The following GRIA2 variants were observed in gnomAD, a reference collection of about 807,000 sequenced individuals.
GRIA2 encodes the protein glutamate receptor 2.
In GRIA2, 14 loss-of-function variants were observed where a neutral mutation model predicts 97.3. The ratio of observed to expected loss-of-function variants is 0.14; its 90% confidence interval spans 0.10 to 0.23. The LOEUF (loss-of-function observed/expected upper bound fraction) is 0.23. GRIA2 is among the 10% of genes least tolerant of loss of function. The probability of loss-of-function intolerance (pLI) is 1.00; values close to 1 mark genes in which losing one functional copy is unlikely to be tolerated. For missense variants in GRIA2, 558 were observed against 1,069.8 expected (o/e 0.52, Z 6.67); for synonymous variants, 412 against 387.8 (o/e 1.06, Z -0.73).
At chr4:157,355,969 TAA>T (rs72034758) in intron 12 of GRIA2, among the ~76,000 whole-genome samples, 55,026 of 78,574 alleles carry the variant, frequency 0.7, 20,150 homozygotes, top group South Asian at 0.84. Context: ...TTATGTATAT[TAA>T]TATATATATT....
intron 2 of GRIA2, among the ~76,000 whole-genome samples, chr4:157,241,858 C>G (rs1730527141): frequency 1.3e-5 from 2 of 152,088 alleles, no homozygotes; most frequent in Middle Eastern, 3.4e-3. Context: ...GAAAACGATA[C>G]AAAAAGTAAC....
At chr4:157,353,208 C>T (rs1736093654) in intron 12 of GRIA2, among the ~76,000 whole-genome samples, 1 of 150,620 alleles carries the variant, frequency 6.6e-6, no homozygotes, top group African/African-American at 2.4e-5. Context: ...CAAAATTAGA[C>T]CAGCGTGGTG....
chr4:157,236,288 T>C (rs533733250), intron 2 of GRIA2, among the ~76,000 whole-genome samples: 3 of 152,178 alleles, frequency 2.0e-5, no homozygotes, highest in Non-Finnish European at 4.4e-5. Flanking sequence ...CACGGGGATA[T>C]AATAAATATT....
chr4:157,295,366 A>G (rs1419627944), intron 2 of GRIA2, among the ~76,000 whole-genome samples: 1 of 152,148 alleles, frequency 6.6e-6, no homozygotes, highest in Non-Finnish European at 1.5e-5. Flanking sequence ...TTATCATCAT[A>G]AATATTTGTG....
chr4:157,326,927 G>A (rs536111597), intron 6 of GRIA2, among the ~76,000 whole-genome samples: 3 of 152,192 alleles, frequency 2.0e-5, no homozygotes, highest in African/African-American at 4.8e-5. Context: ...TGCAGGGAGC[G>A]CTGGTGGAGG....
chr4:157,364,390 C>G lies in GRIA2; in HGVS notation c.*959C>G, dbSNP rs957270956. 3.9e-5 allele frequency: 6 copies of G among 152,140 alleles called. No homozygotes were observed. Among genetic ancestry groups the G allele is most frequent in the African/African-American group, 1.4e-4 (6 of 41,392 alleles). The allele number at this position is 152,140 out of a possible 1,614,324, so 9.4% of individuals were successfully genotyped here. Reference sequence around the variant, plus strand: ...TTAGGTGCCCAGAGAAAATTTCTCCCTTTTAAAAAGGCCAGGTGATTTTTC... The same window carrying G: ...TTAGGTGCCCAGAGAAAATTTCTCCGTTTTAAAAAGGCCAGGTGATTTTTC... On this transcript the variant is annotated 3_prime_UTR_variant, in exon 16 of 16. Coordinates refer to ENST00000264426, the MANE Select transcript of GRIA2 (RefSeq NM_001083619.3).
In GRIA2 at chr4:157,365,600, A is replaced by C. The variant is rs1736851045; in HGVS notation, c.*2169A>C. ...TGTAAGAGTATTTCAACTATGGATA[A>C]TGTTGATTGGATAATGCACATCTCA... is the stretch of plus-strand genomic sequence containing the variant. On this transcript the variant is annotated 3_prime_UTR_variant, in exon 16 of 16. Coordinates refer to ENST00000264426, the MANE Select transcript of GRIA2 (RefSeq NM_001083619.3). 1 of 151,948 alleles carries C rather than the reference A, an allele frequency of 6.6e-6. No individual in the cohort carries two copies. Among genetic ancestry groups the C allele is most frequent in the African/African-American group, 2.4e-5 (1 of 41,404 alleles). 9.4% of individuals were successfully genotyped at this position (151,948 alleles called of 1,614,324 possible). A position where few individuals can be genotyped will look rare whatever the true frequency, so the allele number is the denominator to read the frequency against.
At chr4:157,322,479 C>T (rs1372922206) in intron 6 of GRIA2, among the ~76,000 whole-genome samples, 7 of 151,964 alleles carry the variant, frequency 4.6e-5, no homozygotes, top group Admixed American at 4.6e-4. Context: ...TGGGTTTGGA[C>T]ACAATGAGAT....
chr4:157,350,026 C>T (rs1735939368), intron 12 of GRIA2, among the ~76,000 whole-genome samples: 1 of 152,084 alleles, frequency 6.6e-6, no homozygotes, highest in Non-Finnish European at 1.5e-5. Context: ...CTTGAATGTA[C>T]CTTATGAATT....
intron 2 of GRIA2, among the ~76,000 whole-genome samples, chr4:157,251,388 A>T (rs1731015030): frequency 1.3e-5 from 2 of 152,206 alleles, no homozygotes; most frequent in South Asian, 4.1e-4. Context: ...ATAAAAAACA[A>T]TGTGGATTCC....
chr4:157,305,048 G>A (rs559133607), intron 3 of GRIA2, among the ~76,000 whole-genome samples: 15 of 152,218 alleles, frequency 9.9e-5, no homozygotes, highest in Non-Finnish European at 1.5e-4. Context: ...AACTAAAACC[G>A]AGAATCATTT....
intron 2 of GRIA2, among the ~76,000 whole-genome samples, chr4:157,277,571 G>A (rs1732381672): frequency 1.3e-5 from 2 of 151,458 alleles, no homozygotes; most frequent in South Asian, 4.1e-4. Flanking sequence ...ATACAGATTG[G>A]GAAGGAAGAA....
At chr4:157,234,341 C>T (rs1486616729) in intron 2 of GRIA2, among the ~76,000 whole-genome samples, 1 of 151,950 alleles carries the variant, frequency 6.6e-6, no homozygotes, top group South Asian at 2.1e-4. Context: ...TAATAAACTT[C>T]TTTAATATAA....
At chr4:157,270,476 A>T (rs1447029488) in intron 2 of GRIA2, among the ~76,000 whole-genome samples, 1 of 152,106 alleles carries the variant, frequency 6.6e-6, no homozygotes, top group Non-Finnish European at 1.5e-5. Flanking sequence ...TATTAAAATA[A>T]CTTAAATATC....
chr4:157,294,989 CT>C (rs1464266754), intron 2 of GRIA2, among the ~76,000 whole-genome samples: 2 of 152,100 alleles, frequency 1.3e-5, no homozygotes, highest in Non-Finnish European at 2.9e-5. Flanking sequence ...GAAATAGCGC[CT>C]GATACAGACA....
intron 12 of GRIA2, among the ~76,000 whole-genome samples, chr4:157,348,294 C>T (rs1007061371): frequency 6.6e-6 from 1 of 152,076 alleles, no homozygotes; most frequent in Admixed American, 6.6e-5. Flanking sequence ...CCCTGTCACC[C>T]AGGCTGCAGT....
At chr4:157,270,878 C>T (rs1731990668) in intron 2 of GRIA2, among the ~76,000 whole-genome samples, 1 of 150,310 alleles carries the variant, frequency 6.7e-6, no homozygotes, top group African/African-American at 2.4e-5. Flanking sequence ...ACTCTCAATT[C>T]AGTTGCTGGG....
At chr4:157,254,441 T>C (rs540754131) in intron 2 of GRIA2, among the ~76,000 whole-genome samples, 2 of 152,034 alleles carry the variant, frequency 1.3e-5, no homozygotes, top group Non-Finnish European at 2.9e-5. Flanking sequence ...ATTGGGAAAA[T>C]GTTTCTGCTT....
chr4:157,238,496 T>A (rs761142150), intron 2 of GRIA2, among the ~76,000 whole-genome samples: 3 of 152,166 alleles, frequency 2.0e-5, no homozygotes, highest in Non-Finnish European at 4.4e-5. Context: ...TTTTAATGTA[T>A]CTTTGATAGA....
Sources: allele counts gnomAD v4.1 joint callset (sites outside exome capture counted in the v4.1 genomes callset), GRCh38; gene constraint gnomAD v4.1.1; transcripts MANE v1.5; gene names NCBI Gene and HGNC (gene_info 2026-07-23, HGNC 2026-07-21).